LARP4: variants seen among roughly 807,000 people sequenced by gnomAD.
LARP4 encodes la-related protein 4.
In LARP4, 29 loss-of-function variants were observed where a neutral mutation model predicts 92.9. The ratio of observed to expected loss-of-function variants is 0.31; its 90% CI spans 0.23 to 0.43. LARP4 has a LOEUF of 0.43. LARP4 is among the 20% of genes least tolerant of loss of function. LARP4 has a pLI of 1.00. For synonymous variants in LARP4, 279 were observed against 284.1 expected (o/e 0.98, Z 0.18); for missense variants, 732 against 860.0 (o/e 0.85, Z 1.86).
At chr12:50,417,119 T>G (rs1946937831) in intron 1 of LARP4, among the ~76,000 whole-genome samples, 1 of 152,040 alleles carries the variant, frequency 6.6e-6, no homozygotes, top group Admixed American at 6.6e-5. Flanking sequence ...TTTTGAAAAT[T>G]GATACTTATG....
At position 50,475,786 on chromosome 12, in the gene LARP4, T is replaced by A. The variant is rs201453176; in HGVS notation, c.2097T>A (p.Phe699Leu). Residue 699 changes from phenylalanine to leucine, a missense_variant, in exon 16 of 16, where the codon TTT becomes TTA. Phe to Leu is a conservative substitution (Grantham distance 22). This residue lies in a region of LARP4 where 115 missense variants were observed against 129.1 expected (regional missense o/e 0.89). Coordinates refer to ENST00000398473, the MANE Select transcript of LARP4 (RefSeq NM_052879.5). ...AGKIREQRRQ[F>L]SHRAIPQGVT... is the part of the protein sequence containing the mutation. ...AAATCAGGGAACAGAGACGCCAGTT[T>A]AGCCATAGGGCTATACCTCAGGGAG... is the stretch of plus-strand genomic sequence containing the variant. 1.5e-4 allele frequency: 244 copies of A among 1,614,050 alleles called. No homozygotes were observed. Among genetic ancestry groups the A allele is most frequent in the Non-Finnish European group, 1.9e-4 (228 of 1,180,036 alleles).
intron 2 of LARP4, 38 bp downstream of exon 2, chr12:50,427,947 G>A (rs765947014): frequency 1.4e-6 from 2 of 1,432,678 alleles, no homozygotes; most frequent in Non-Finnish European, 1.9e-6. Flanking sequence ...ATCACAGTTT[G>A]GTTAAATGTA....
chr12:50,467,384 T>C (rs1191891673), intron 13 of LARP4, among the ~76,000 whole-genome samples: 1 of 151,940 alleles, frequency 6.6e-6, no homozygotes, highest in East Asian at 1.9e-4. Flanking sequence ...TCTACCTCCT[T>C]GGTTCAAGTG....
At chr12:50,445,681 G>T (rs531241154) in intron 8 of LARP4, among the ~76,000 whole-genome samples, 218 of 152,184 alleles carry the variant, frequency 1.4e-3, no homozygotes, top group African/African-American at 5.0e-3. Context: ...TCATCTTCAA[G>T]TTCACTGAAC....
rs536867255 is a variant in LARP4 at position 50,450,463 on chromosome 12, T to G, written c.805-2997T>G. Among the ~76,000 whole-genome samples the G allele has an allele frequency of 2.4e-4, 37 of 152,304 alleles. No homozygotes were observed. The South Asian group carries it at 7.2e-3, about 30-fold the overall frequency. On this transcript the variant is annotated intron_variant, in intron 8 of 15. Coordinates refer to ENST00000398473, the MANE Select transcript of LARP4 (RefSeq NM_052879.5). ...ACAGAGCTGTTTAGTTTTTATGTTT[T>G]AAGACAAAAATGTAGGTTTGTACTG...
intron 10 of LARP4, among the ~76,000 whole-genome samples, chr12:50,456,824 T>G (rs191986385): frequency 2.5e-4 from 38 of 152,292 alleles, no homozygotes; most frequent in Non-Finnish European, 2.9e-5. Context: ...CATATTGAAA[T>G]GTAGTGTGAA....
Position 50,475,572 on chromosome 12 carries a change from A to G in LARP4, c.1883A>G (p.Lys628Arg). ...GCTGAAGTGTGCCAGAAGCCCCCTAAAGAGCCATCTTCAGTTCTTGTGCAG... is the reference window on the plus strand; with the variant it reads ...GCTGAAGTGTGCCAGAAGCCCCCTAGAGAGCCATCTTCAGTTCTTGTGCAG... ...SYAEVCQKPP[K>R]EPSSVLVQPL... Residue 628 changes from lysine (K) to arginine (R), a missense_variant, in exon 16 of 16, where the codon AAA (lysine) becomes AGA (arginine). Transcript: ENST00000398473. 6.2e-7 allele frequency: 1 copy of G among 1,613,878 alleles called. No homozygotes were observed. The highest frequency in any genetic ancestry group is 8.5e-7 in the Non-Finnish European group (1 of 1,179,902).
In LARP4 at chr12:50,432,873, A is replaced by AAG. The variant is rs937566405; in HGVS notation, c.398+2304_398+2305insGA. Among the ~76,000 whole-genome samples the AAG allele has an allele frequency of 8.6e-5, 13 of 151,298 alleles. 1 individual carries two copies. The highest frequency in any genetic ancestry group is 3.9e-4 in the East Asian group (2 of 5,144). ...GAGACTTCGTTTCAAAAAAAAAAAAAAAAAGAAAAGCTGGCAGTGTCTTAT... is the reference window on the plus strand; with the variant it reads ...GAGACTTCGTTTCAAAAAAAAAAAAAAGAAAAGAAAAGCTGGCAGTGTCTTAT... On this transcript the variant is annotated intron_variant, in intron 4 of 15. Coordinates refer to ENST00000398473, the MANE Select transcript of LARP4 (RefSeq NM_052879.5).
At chr12:50,437,149 A>G (rs762032711) in intron 5 of LARP4, among the ~76,000 whole-genome samples, 2 of 152,136 alleles carry the variant, frequency 1.3e-5, no homozygotes, top group African/African-American at 4.8e-5. Flanking sequence ...TGAAGGGACT[A>G]TTTGCTACTA....
At chr12:50,464,720 C>T (rs955087906) in intron 12 of LARP4, among the ~76,000 whole-genome samples, 1 of 149,100 alleles carries the variant, frequency 6.7e-6, no homozygotes, top group Admixed American at 6.8e-5. Context: ...GACAGAGTTT[C>T]GCTCTTGTTG....
At chr12:50,435,893 G>A (rs534988251) in intron 5 of LARP4, among the ~76,000 whole-genome samples, 6 of 151,516 alleles carry the variant, frequency 4.0e-5, no homozygotes, top group Admixed American at 2.0e-4. Context: ...CTTCTACCTC[G>A]TAGCCTCCCA....
chr12:50,421,766 A>T (rs757211549), intron 1 of LARP4, among the ~76,000 whole-genome samples: 1 of 152,160 alleles, frequency 6.6e-6, no homozygotes, highest in Non-Finnish European at 1.5e-5. Flanking sequence ...CTATAACCAC[A>T]TGCTTAGGTA....
intron 6 of LARP4, among the ~76,000 whole-genome samples, chr12:50,438,257 G>A (rs938817202): frequency 3.9e-5 from 6 of 152,084 alleles, no homozygotes; most frequent in African/African-American, 1.4e-4. Context: ...CCAGCACTTT[G>A]GGAGGCTGAG....
At chr12:50,469,858 G>A (rs527839412) in intron 13 of LARP4, among the ~76,000 whole-genome samples, 64 of 152,058 alleles carry the variant, frequency 4.2e-4, no homozygotes, top group African/African-American at 1.5e-3. Context: ...GCAGTGAGCC[G>A]AGATTGTGCC....
At chr12:50,426,727 GTGTGGTTTT>G (rs1948823182) in intron 1 of LARP4, among the ~76,000 whole-genome samples, 1 of 107,946 alleles carries the variant, frequency 9.3e-6, no homozygotes. Context: ...GTGTGTGTGT[GTGTGGTTTT>G]TTTTTTTTTT....
chr12:50,462,751 A>G, intron 12 of LARP4, 121 bp downstream of exon 12: 1 of 661,738 alleles, frequency 1.5e-6, no homozygotes, highest in Non-Finnish European at 2.5e-6. Context: ...GCAAAGGTAA[A>G]TAGAGCCTAA....
chr12:50,402,001 C>A (rs566617312), intron 1 of LARP4, among the ~76,000 whole-genome samples: 1 of 152,192 alleles, frequency 6.6e-6, no homozygotes, highest in Admixed American at 6.6e-5. Flanking sequence ...GTCAAACCAG[C>A]AAAGCTGCAA....
At chr12:50,410,430 T>C (rs1945661572) in intron 1 of LARP4, among the ~76,000 whole-genome samples, 1 of 149,004 alleles carries the variant, frequency 6.7e-6, no homozygotes, top group Admixed American at 6.7e-5. Context: ...TTTTTTGAGA[T>C]GGAATCTCGC....
intron 8 of LARP4, among the ~76,000 whole-genome samples, chr12:50,445,484 C>T (rs991932817): frequency 1.3e-5 from 2 of 152,090 alleles, no homozygotes; most frequent in Non-Finnish European, 2.9e-5. Flanking sequence ...ATATTCTTTA[C>T]TGCATTTGGG....
Sources: allele counts gnomAD v4.1 joint callset (sites outside exome capture counted in the v4.1 genomes callset), GRCh38; gene constraint gnomAD v4.1.1; regional missense constraint gnomAD v4.1.1; transcripts MANE v1.5; gene names NCBI Gene and HGNC (gene_info 2026-07-23, HGNC 2026-07-21).